The following IGF2BP1 variants were observed in gnomAD, a reference collection of about 807,000 sequenced individuals.
The protein encoded by IGF2BP1 is insulin-like growth factor 2 mRNA-binding protein 1.
A neutral mutation model predicts 74.9 loss-of-function variants in IGF2BP1; 11 were observed. The ratio of observed to expected loss-of-function variants is 0.15; its 90% CI spans 0.09 to 0.24. The LOEUF (loss-of-function observed/expected upper bound fraction) is 0.24, where lower values mean the gene tolerates loss of function less well. Among genes scored for constraint, IGF2BP1 ranks in the 10% least tolerant of loss-of-function variants. The pLI, the probability that IGF2BP1 is intolerant of heterozygous loss-of-function variation, is 1.00. For missense variants in IGF2BP1, 440 were observed against 757.4 expected (o/e 0.58, Z 4.92); for synonymous variants, 287 against 281.8 (o/e 1.02, Z -0.18).
At chr17:49,020,422 A>AG (rs2041777986) in intron 2 of IGF2BP1, among the ~76,000 whole-genome samples, 1 of 152,162 alleles carries the variant, frequency 6.6e-6, no homozygotes, top group African/African-American at 2.4e-5. Flanking sequence ...CTACCCACTA[A>AG]GGTGGTATCA....
At position 48,997,663 on chromosome 17, in the gene IGF2BP1, C is replaced by G. The variant is rs2041423658; in HGVS notation, c.-83C>G. 6.9e-7 allele frequency: 1 copy of G among 1,443,906 alleles called. No homozygotes were observed. The highest frequency in any genetic ancestry group is 9.4e-7 in the Non-Finnish European group (1 of 1,059,174). 89.4% of individuals were successfully genotyped at this position (1,443,906 alleles called of 1,614,324 possible). A position where few individuals can be genotyped will look rare whatever the true frequency, so the allele number is the denominator to read the frequency against. The stretch of plus-strand genomic sequence containing the variant: ...TTGCGGCTCCTGCCGCCGGCCTCTC[C>G]GCCTCTTGGCCTAGGAGGCTCGCCG... On this transcript the variant is annotated 5_prime_UTR_variant, in exon 1 of 15. Coordinates refer to ENST00000290341, the MANE Select transcript of IGF2BP1 (RefSeq NM_006546.4). The surrounding 1 kb of genome is among the most constrained non-coding windows in gnomAD (Gnocchi z 4.8).
At chr17:49,040,303 C>T (rs540647284) in intron 7 of IGF2BP1, among the ~76,000 whole-genome samples, 1 of 152,338 alleles carries the variant, frequency 6.6e-6, no homozygotes, top group Admixed American at 6.5e-5. Context: ...GCAACCTCTG[C>T]CTCTGGATCT....
chr17:49,028,024 G>A (rs1276593583), intron 4 of IGF2BP1, among the ~76,000 whole-genome samples: 7 of 151,994 alleles, frequency 4.6e-5, no homozygotes, highest in Non-Finnish European at 1.0e-4. Context: ...TTAGCTGGGA[G>A]TGGTGGTACA....
In IGF2BP1 at chr17:49,055,542, A is replaced by G; in HGVS notation, c.*6098A>G. The G allele has an allele frequency of 2.5e-6, 1 of 397,774 alleles. No individual in the cohort carries two copies. The highest frequency in any genetic ancestry group is 4.4e-6 in the Non-Finnish European group (1 of 225,702). 24.6% of individuals were successfully genotyped at this position (397,774 alleles called of 1,614,324 possible). A position where few individuals can be genotyped will look rare whatever the true frequency, so the allele number is the denominator to read the frequency against. On this transcript the variant is annotated 3_prime_UTR_variant, in exon 15 of 15. Coordinates refer to ENST00000290341, the MANE Select transcript of IGF2BP1 (RefSeq NM_006546.4). ...TGTGGGGGCTGGGGAGCCACTTGTA[A>G]CATTTCTGTGCAGATTTTATGTTAG...
chr17:49,021,785 G>A (rs963255037), intron 2 of IGF2BP1, among the ~76,000 whole-genome samples: 2 of 152,192 alleles, frequency 1.3e-5, no homozygotes, highest in South Asian at 4.1e-4. Flanking sequence ...GCATATAGAA[G>A]GTGCCCAGAA....
chr17:49,015,694 G>C (rs1170934249), intron 2 of IGF2BP1, among the ~76,000 whole-genome samples: 2 of 152,180 alleles, frequency 1.3e-5, no homozygotes, highest in Non-Finnish European at 2.9e-5. Context: ...ACTCAAGGTC[G>C]GGGGAGAGGG....
At chr17:49,001,201 T>C (rs1408764446) in intron 2 of IGF2BP1, among the ~76,000 whole-genome samples, 1 of 152,226 alleles carries the variant, frequency 6.6e-6, no homozygotes, top group Admixed American at 6.5e-5. Context: ...GTGGTATGTG[T>C]CTTTAGTCTG....
intron 3 of IGF2BP1, 76 bp downstream of exon 3, chr17:49,025,742 C>G (rs1304315191): frequency 1.6e-5 from 22 of 1,377,696 alleles, no homozygotes; most frequent in Non-Finnish European, 2.2e-5. Context: ...GCTGGAGTTG[C>G]CAGAAATGAT....
rs186766283 is a variant in IGF2BP1, at chr17:49,025,179, G to A, written c.237-439G>A. On this transcript the variant is annotated intron_variant, in intron 2 of 14. Coordinates refer to ENST00000290341, the MANE Select transcript of IGF2BP1 (RefSeq NM_006546.4). ...TGCACTCCAGCCTGGGTGGCAGAGC[G>A]AGAGACTCTGTCTCAAAAACAAATA... Among the ~76,000 whole-genome samples, 231 of 152,224 alleles carry A rather than the reference G, an allele frequency of 1.5e-3. 1 individual carries two copies. The highest frequency in any genetic ancestry group is 1.6e-3 in the Non-Finnish European group (111 of 68,014).
rs1485406225 is a variant in IGF2BP1, at chr17:48,997,818, C to T, written c.73C>T (p.His25Tyr). 3 of 1,614,182 alleles carry T rather than the reference C, an allele frequency of 1.9e-6. No individual in the cohort carries two copies. The highest frequency in any genetic ancestry group is 1.1e-5 in the South Asian group (1 of 91,074). The change falls in exon 1 of 15, where the codon CAC becomes TAC. Residue 25 changes from histidine to tyrosine, a missense_variant. Physicochemically the swap from His to Tyr is moderately conservative, Grantham distance 83. Around this residue, in one of 5 missense-constraint regions of IGF2BP1, gnomAD observed 105 missense variants for 199.4 expected, o/e 0.53. Coordinates refer to ENST00000290341, the MANE Select transcript of IGF2BP1 (RefSeq NM_006546.4). The surrounding 1 kb of genome is among the most constrained non-coding windows in gnomAD (Gnocchi z 4.8). The stretch of plus-strand genomic sequence containing the variant: ...GGACTTGGAGAAAGTGTTTGCGGAG[C>T]ACAAGATCTCCTACAGCGGCCAGTT... ...PADLEKVFAE[H>Y]KISYSGQFLV... is the part of the protein sequence containing the mutation.
intron 2 of IGF2BP1, among the ~76,000 whole-genome samples, chr17:49,006,382 G>A: frequency 6.6e-6 from 1 of 152,200 alleles, no homozygotes; most frequent in Non-Finnish European, 1.5e-5. Context: ...GGGGTCTGGA[G>A]GAAAGGTCTT....
intron 2 of IGF2BP1, among the ~76,000 whole-genome samples, chr17:49,019,987 CAT>C (rs60471350): frequency 0.45 from 39,505 of 87,310 alleles, 9,423 homozygotes; most frequent in African/African-American, 0.64. Flanking sequence ...TACACCCACA[CAT>C]ATATATACAC....
At position 49,050,292 on chromosome 17, in the gene IGF2BP1, AG is replaced by A. The variant is rs1342058861; in HGVS notation, c.*852del. 2.2e-4 allele frequency: 33 copies of A among 152,644 alleles called. No homozygotes were observed. Among genetic ancestry groups the A allele is most frequent in the African/African-American group, 7.0e-4 (29 of 41,436 alleles). The allele number at this position is 152,644 out of a possible 1,614,324, so 9.5% of individuals were successfully genotyped here. The stretch of plus-strand genomic sequence containing the variant: ...GGTGGTATTGAATGCTCAGCAGGGT[AG>A]GGGCTGACCACTGTCCCTGATTCCC... On this transcript the variant is annotated 3_prime_UTR_variant, in exon 15 of 15. Transcript: ENST00000290341.
intron 2 of IGF2BP1, among the ~76,000 whole-genome samples, chr17:49,017,160 C>G (rs1434196712): frequency 6.6e-6 from 1 of 152,048 alleles, no homozygotes; most frequent in Non-Finnish European, 1.5e-5. Context: ...GGCTTCTACT[C>G]TGGTGTCAGC....
chr17:49,050,682 G>A lies in IGF2BP1; in HGVS notation c.*1238G>A, dbSNP rs188507048. 1 of 152,178 alleles carries A rather than the reference G, an allele frequency of 6.6e-6. No individual in the cohort carries two copies. Among genetic ancestry groups the A allele is most frequent in the African/African-American group, 2.4e-5 (1 of 41,422 alleles). The allele number at this position is 152,178 out of a possible 1,614,324, so 9.4% of individuals were successfully genotyped here. On this transcript the variant is annotated 3_prime_UTR_variant, in exon 15 of 15. Transcript: ENST00000290341. ...TTTAACTGACGGCTTCTGTCTCCAT[G>A]AATCATTATCAGCATGATGAAAGGT...
intron 2 of IGF2BP1, among the ~76,000 whole-genome samples, chr17:49,002,706 T>A (rs1211834642): frequency 6.6e-6 from 1 of 152,048 alleles, no homozygotes; most frequent in Non-Finnish European, 1.5e-5. Context: ...AGAATTTTTT[T>A]TTTTTTTTTG....
chr17:49,046,495 C>T, intron 14 of IGF2BP1, 122 bp downstream of exon 14: 1 of 689,302 alleles, frequency 1.5e-6, no homozygotes, highest in Non-Finnish European at 2.5e-6. Context: ...CCACATCTGC[C>T]TGCCTCTAGG....
At chr17:49,023,806 G>A (rs2041819953) in intron 2 of IGF2BP1, among the ~76,000 whole-genome samples, 1 of 152,096 alleles carries the variant, frequency 6.6e-6, no homozygotes, top group Non-Finnish European at 1.5e-5. Context: ...ATTGGCCAAT[G>A]CATCAAGTCA....
rs942191641 is a variant in IGF2BP1, at chr17:49,053,551, GCT to G, written c.*4110_*4111del. 2.6e-5 allele frequency: 4 copies of G among 152,840 alleles called. No homozygotes were observed. Among genetic ancestry groups the G allele is most frequent in the African/African-American group, 9.7e-5 (4 of 41,442 alleles). 9.5% of individuals were successfully genotyped at this position (152,840 alleles called of 1,614,324 possible). A position where few individuals can be genotyped will look rare whatever the true frequency, so the allele number is the denominator to read the frequency against. ...CCAGGTAGCTCCCTGTTGTGGGACT[GCT>G]CTGTCCCCTGCCCCTACTGCAGAGA... On this transcript the variant is annotated 3_prime_UTR_variant, in exon 15 of 15. Transcript: ENST00000290341.
Sources: gnomAD v4.1 joint callset for allele counts (sites outside exome capture counted in the v4.1 genomes callset) on GRCh38, gnomAD v4.1.1 for gene constraint, gnomAD v4.1.1 regional missense constraint, Gnocchi (gnomAD v3.1) non-coding constraint, MANE v1.5 for transcripts, NCBI Gene and HGNC (gene_info 2026-07-23, HGNC 2026-07-21) for gene names.